Variants in LPP observed in about 807,000 individuals in gnomAD.
The protein encoded by LPP is LIM domain containing preferred translocation partner in lipoma.
A neutral mutation model predicts 60.4 loss-of-function variants in LPP; 38 were observed. The ratio of observed to expected loss-of-function variants is 0.63; its 90% CI spans 0.49 to 0.83. The LOEUF (loss-of-function observed/expected upper bound fraction) is 0.83. Ranked by LOEUF, LPP falls within the 40% of genes least tolerant of loss-of-function variation. The pLI is 0.00. For missense variants in LPP, 902 were observed against 783.6 expected (o/e 1.15, Z -1.80); for synonymous variants, 328 against 290.8 (o/e 1.13, Z -1.30).
intron 7 of LPP, among the ~76,000 whole-genome samples, chr3:188,639,940 C>T (rs938815534): frequency 1.3e-5 from 2 of 152,048 alleles, no homozygotes; most frequent in Admixed American, 6.6e-5. Context: ...CTAGTTCAAC[C>T]ATTGTGGAAG....
intron 10 of LPP, among the ~76,000 whole-genome samples, chr3:188,866,679 A>G (rs1331044405): frequency 6.6e-6 from 1 of 152,206 alleles, no homozygotes; most frequent in Non-Finnish European, 1.5e-5. Flanking sequence ...AGAAAGAAAC[A>G]GGATCCTGGC....
intron 7 of LPP, among the ~76,000 whole-genome samples, chr3:188,656,451 T>A (rs1853236314): frequency 6.6e-6 from 1 of 152,148 alleles, no homozygotes; most frequent in Admixed American, 6.5e-5. Flanking sequence ...AAAGAACAGA[T>A]TGTGTAGACT....
chr3:188,155,342 C>T (rs962868552), intron 1 of LPP, among the ~76,000 whole-genome samples: 1 of 152,156 alleles, frequency 6.6e-6, no homozygotes, highest in Non-Finnish European at 1.5e-5. Context: ...GTTTCCAGTC[C>T]CCTTTCTCTT....
chr3:188,180,641 C>T (rs1306863756), intron 1 of LPP: 1 of 154,268 alleles, frequency 6.5e-6, no homozygotes, highest in Non-Finnish European at 1.5e-5. Context: ...ACTATTTAGA[C>T]ACAAGCATTG....
chr3:188,602,177 T>TATATATATAATATATATATA (rs1841458686), intron 6 of LPP, among the ~76,000 whole-genome samples: 9 of 115,280 alleles, frequency 7.8e-5, no homozygotes, highest in African/African-American at 2.8e-4. Context: ...ATATATATAT[T>TATATATATAATATATATATA]ATATATATAT....
intron 9 of LPP, among the ~76,000 whole-genome samples, chr3:188,859,548 A>G (rs1324068420): frequency 6.6e-6 from 1 of 152,174 alleles, no homozygotes; most frequent in African/African-American, 2.4e-5. Flanking sequence ...TGGCATCTTT[A>G]TCTTCCATCT....
chr3:188,492,419 G>C (rs1464489731), intron 5 of LPP, among the ~76,000 whole-genome samples: 1 of 152,120 alleles, frequency 6.6e-6, no homozygotes, highest in Non-Finnish European at 1.5e-5. Context: ...TGTCAGCCGG[G>C]TGTGGTGGCT....
intron 3 of LPP, among the ~76,000 whole-genome samples, chr3:188,378,220 C>G (rs1775782248): frequency 6.6e-6 from 1 of 152,206 alleles, no homozygotes; most frequent in Non-Finnish European, 1.5e-5. Context: ...AGAACCTCTA[C>G]TCTCTTCAAA....
intron 9 of LPP, among the ~76,000 whole-genome samples, chr3:188,809,291 T>A (rs1750144412): frequency 6.6e-6 from 1 of 152,164 alleles, no homozygotes; most frequent in Non-Finnish European, 1.5e-5. Flanking sequence ...CTAATTTACA[T>A]TCCCAACAAC....
intron 1 of LPP, among the ~76,000 whole-genome samples, chr3:188,155,445 C>T (rs1214695619): frequency 3.9e-5 from 6 of 152,204 alleles, no homozygotes; most frequent in Non-Finnish European, 8.8e-5. Flanking sequence ...CCTTTCCCTG[C>T]ACATGTGCAT....
chr3:188,793,184 CTTT>C (rs34203235), intron 9 of LPP, among the ~76,000 whole-genome samples: 25 of 137,594 alleles, frequency 1.8e-4, no homozygotes, highest in Admixed American at 2.9e-4. Context: ...CTCATTTATC[CTTT>C]TTTTTTTTTT....
intron 3 of LPP, among the ~76,000 whole-genome samples, chr3:188,382,942 G>C (rs1358572899): frequency 6.6e-6 from 1 of 152,226 alleles, no homozygotes; most frequent in East Asian, 1.9e-4. Context: ...TGACCTTAGT[G>C]TGTCTACTGA....
At chr3:188,261,253 A>G (rs982118864) in intron 2 of LPP, among the ~76,000 whole-genome samples, 3 of 152,044 alleles carry the variant, frequency 2.0e-5, no homozygotes, top group Admixed American at 1.3e-4. Context: ...GGCTCAATCA[A>G]CCCTCCCACC....
chr3:188,187,553 T>G (rs1419093581), intron 1 of LPP, among the ~76,000 whole-genome samples: 2 of 152,126 alleles, frequency 1.3e-5, no homozygotes, highest in Non-Finnish European at 2.9e-5. Context: ...CTACCATATC[T>G]CTTATGTATT....
At chr3:188,604,140 A>T (rs997477262) in intron 6 of LPP, among the ~76,000 whole-genome samples, 1 of 151,960 alleles carries the variant, frequency 6.6e-6, no homozygotes, top group African/African-American at 2.4e-5. Flanking sequence ...GTAACTAAGA[A>T]CTTTCTGAGT....
chr3:188,590,783 G>A (rs544415377), intron 6 of LPP, among the ~76,000 whole-genome samples: 1 of 152,200 alleles, frequency 6.6e-6, no homozygotes, highest in South Asian at 2.1e-4. Flanking sequence ...CAGACCCAGT[G>A]TTGCTAGGTC....
intron 5 of LPP, among the ~76,000 whole-genome samples, chr3:188,495,185 A>ATG (rs1353656821): frequency 1.9e-4 from 1 of 5,272 alleles, no homozygotes; most frequent in Non-Finnish European, 8.3e-3. Flanking sequence ...TAAATATATA[A>ATG]TATATATATT....
intron 3 of LPP, among the ~76,000 whole-genome samples, chr3:188,397,938 A>C (rs1224608928): frequency 6.6e-6 from 1 of 152,114 alleles, no homozygotes; most frequent in African/African-American, 2.4e-5. Flanking sequence ...TATCTGAGAC[A>C]ATGTTTACTG....
intron 7 of LPP, among the ~76,000 whole-genome samples, chr3:188,613,261 C>CCTATATCTATATAT (rs1844104001): frequency 8.5e-6 from 1 of 117,336 alleles, no homozygotes; most frequent in South Asian, 2.6e-4. Flanking sequence ...TATATCTATA[C>CCTATATCTATATAT]CTATATCTAT....
Sources: gnomAD v4.1 joint callset for allele counts (sites outside exome capture counted in the v4.1 genomes callset) on GRCh38, gnomAD v4.1.1 for gene constraint, MANE v1.5 for transcripts, NCBI Gene and HGNC (gene_info 2026-07-23, HGNC 2026-07-21) for gene names.